The following NSMCE2 variants were observed in gnomAD, a reference collection of about 807,000 sequenced individuals.
NSMCE2 encodes the protein E3 SUMO-protein ligase NSE2.
Under a neutral mutation model 23.8 loss-of-function variants are expected in NSMCE2, and 24 were observed. The observed-to-expected ratio is 1.01, with a 90% CI of 0.73 to 1.42. NSMCE2 has a LOEUF of 1.42. Ranked by LOEUF, NSMCE2 falls within the 40% of genes most tolerant of loss-of-function variation. The pLI, the probability that NSMCE2 is intolerant of heterozygous loss-of-function variation, is 0.00. For synonymous variants in NSMCE2, 92 were observed against 94.1 expected (o/e 0.98, Z 0.13); for missense variants, 284 against 296.5 (o/e 0.96, Z 0.31).
intron 5 of NSMCE2, among the ~76,000 whole-genome samples, chr8:125,197,997 T>C (rs1038246465): frequency 9.2e-5 from 14 of 152,038 alleles, no homozygotes; most frequent in African/African-American, 2.9e-4. Flanking sequence ...CTGTCTGTTA[T>C]TGGTGTATAG....
chr8:125,156,764 A>C (rs1821338261), intron 4 of NSMCE2, among the ~76,000 whole-genome samples: 1 of 152,238 alleles, frequency 6.6e-6, no homozygotes, highest in East Asian at 1.9e-4. Context: ...TCAAAGGTAT[A>C]GTTTATCTCA....
intron 5 of NSMCE2, among the ~76,000 whole-genome samples, chr8:125,247,196 A>G (rs1486569218): frequency 6.6e-6 from 1 of 151,268 alleles, no homozygotes; most frequent in Non-Finnish European, 1.5e-5. Context: ...AGCTGGGAGT[A>G]GTATCGTGTA....
At chr8:125,174,599 A>G (rs1290152293) in intron 4 of NSMCE2, among the ~76,000 whole-genome samples, 7 of 152,238 alleles carry the variant, frequency 4.6e-5, no homozygotes, top group Admixed American at 2.0e-4. Flanking sequence ...CTGTTAGACA[A>G]CTGTCTATTC....
intron 3 of NSMCE2, among the ~76,000 whole-genome samples, chr8:125,104,337 A>G (rs1818349840): frequency 6.6e-6 from 1 of 152,140 alleles, no homozygotes; most frequent in Non-Finnish European, 1.5e-5. Flanking sequence ...TGTGCAGCTA[A>G]GTGATTGTGG....
intron 4 of NSMCE2, among the ~76,000 whole-genome samples, chr8:125,176,120 C>T (rs995243280): frequency 6.6e-6 from 1 of 152,170 alleles, no homozygotes; most frequent in Non-Finnish European, 1.5e-5. Flanking sequence ...ATGAGCAATT[C>T]GTTGAAGAGT....
At chr8:125,200,267 C>G (rs1335460874) in intron 5 of NSMCE2, among the ~76,000 whole-genome samples, 1 of 152,118 alleles carries the variant, frequency 6.6e-6, no homozygotes, top group Non-Finnish European at 1.5e-5. Flanking sequence ...TCTTCCTAGC[C>G]TCGATGGTCT....
At chr8:125,361,067 C>CTT (rs11336684) in intron 7 of NSMCE2, among the ~76,000 whole-genome samples, 3 of 140,066 alleles carry the variant, frequency 2.1e-5, no homozygotes, top group Non-Finnish European at 4.6e-5. Flanking sequence ...TTATGATTTC[C>CTT]TTTTTTTTTT....
chr8:125,246,912 G>A (rs189960752), intron 5 of NSMCE2, among the ~76,000 whole-genome samples: 1 of 151,666 alleles, frequency 6.6e-6, no homozygotes. Context: ...CTCTTGTGTG[G>A]TTAAAATACT....
At chr8:125,234,190 C>A (rs1341427095) in intron 5 of NSMCE2, among the ~76,000 whole-genome samples, 1 of 151,772 alleles carries the variant, frequency 6.6e-6, no homozygotes, top group Non-Finnish European at 1.5e-5. Context: ...GAGACTCCGT[C>A]TCAAAAAAAA....
intron 5 of NSMCE2, among the ~76,000 whole-genome samples, chr8:125,325,003 G>C (rs1033000847): frequency 6.6e-6 from 1 of 152,174 alleles, no homozygotes; most frequent in African/African-American, 2.4e-5. Context: ...AGGCAACTTT[G>C]TGAACAATCA....
intron 5 of NSMCE2, among the ~76,000 whole-genome samples, chr8:125,320,477 A>C (rs1039678339): frequency 6.6e-6 from 1 of 152,198 alleles, no homozygotes; most frequent in Non-Finnish European, 1.5e-5. Flanking sequence ...TAAAGGGAAA[A>C]CAGCAACCAA....
chr8:125,106,569 T>C (rs1288427579), intron 3 of NSMCE2, among the ~76,000 whole-genome samples: 1 of 151,576 alleles, frequency 6.6e-6, no homozygotes, highest in Admixed American at 6.6e-5. Flanking sequence ...TCCGAGCTAC[T>C]CAGGACTCAG....
intron 5 of NSMCE2, among the ~76,000 whole-genome samples, chr8:125,195,248 G>C (rs1407580837): frequency 6.6e-6 from 1 of 152,022 alleles, no homozygotes; most frequent in Non-Finnish European, 1.5e-5. Flanking sequence ...CTCTACCCCA[G>C]AGATTCAGAT....
intron 5 of NSMCE2, among the ~76,000 whole-genome samples, chr8:125,191,516 T>C (rs1265865114): frequency 6.6e-6 from 1 of 152,212 alleles, no homozygotes. Flanking sequence ...TGGAGGAATC[T>C]GCTTCATCTA....
chr8:125,203,113 G>T (rs778241861), intron 5 of NSMCE2, among the ~76,000 whole-genome samples: 1 of 151,904 alleles, frequency 6.6e-6, no homozygotes, highest in Non-Finnish European at 1.5e-5. Context: ...ATACAGTAGG[G>T]ATTCCTTTAT....
chr8:125,361,889 A>G (rs558041281), intron 7 of NSMCE2, among the ~76,000 whole-genome samples: 3 of 152,304 alleles, frequency 2.0e-5, no homozygotes, highest in Admixed American at 6.5e-5. Flanking sequence ...CCTTCTGTCT[A>G]TAGCTTGTAG....
intron 7 of NSMCE2, among the ~76,000 whole-genome samples, chr8:125,362,014 C>T (rs1813579083): frequency 6.6e-6 from 1 of 152,206 alleles, no homozygotes; most frequent in Non-Finnish European, 1.5e-5. Flanking sequence ...AGACCCGGTT[C>T]CCTTTGCTCA....
chr8:125,273,275 G>A (rs1264481917), intron 5 of NSMCE2, among the ~76,000 whole-genome samples: 1 of 152,166 alleles, frequency 6.6e-6, no homozygotes, highest in Non-Finnish European at 1.5e-5. Flanking sequence ...ATATGGGAAG[G>A]TAATTTCAGT....
At chr8:125,314,426 G>T (rs1311051218) in intron 5 of NSMCE2, among the ~76,000 whole-genome samples, 2 of 152,014 alleles carry the variant, frequency 1.3e-5, no homozygotes, top group Non-Finnish European at 2.9e-5. Flanking sequence ...AGTAGCTGGG[G>T]TTATAGGCAC....
Sources: gnomAD v4.1 joint callset for allele counts (sites outside exome capture counted in the v4.1 genomes callset) on GRCh38, gnomAD v4.1.1 for gene constraint, MANE v1.5 for transcripts, NCBI Gene and HGNC (gene_info 2026-07-23, HGNC 2026-07-21) for gene names.